Variants in STARD13 observed in about 807,000 individuals in gnomAD.
STARD13 encodes stAR-related lipid transfer protein 13.
STARD13 carries 62 observed loss-of-function variants against 106.4 expected under a neutral mutation model. The observed-to-expected ratio is 0.58, with a 90% CI of 0.48 to 0.72. The LOEUF (loss-of-function observed/expected upper bound fraction) is 0.72, where lower values mean the gene tolerates loss of function less well. Ranked by LOEUF, STARD13 falls within the 30% of genes least tolerant of loss-of-function variation. The pLI, the probability that STARD13 is intolerant of heterozygous loss-of-function variation, is 0.00. For synonymous variants in STARD13, 565 were observed against 553.0 expected (o/e 1.02, Z -0.31); for missense variants, 1,387 against 1,424.0 (o/e 0.97, Z 0.42).
the STARD13 span, among the ~76,000 whole-genome samples, chr13:33,447,858 GATATAT>G: frequency 6.6e-6 from 1 of 151,820 alleles, no homozygotes; most frequent in African/African-American, 2.4e-5. Context: ...AGAGAAATAA[GATATAT>G]ATATAAACAC....
intron 4 of STARD13, among the ~76,000 whole-genome samples, chr13:33,141,993 G>C (rs145582682): frequency 1.7e-3 from 266 of 152,300 alleles, no homozygotes; most frequent in African/African-American, 6.1e-3. Context: ...AATACACATG[G>C]ATGGTCAGGC....
At chr13:33,578,135 C>CAAATT in the STARD13 span, among the ~76,000 whole-genome samples, 2 of 152,010 alleles carry the variant, frequency 1.3e-5, no homozygotes, top group Non-Finnish European at 2.9e-5. Flanking sequence ...TCATTTTTCA[C>CAAATT]AGAATTAGAA....
the STARD13 span, among the ~76,000 whole-genome samples, chr13:33,470,440 G>C: frequency 6.6e-6 from 1 of 152,188 alleles, no homozygotes; most frequent in African/African-American, 2.4e-5. Context: ...TATATACCCA[G>C]TAATGGGCTT....
chr13:33,185,984 G>A (rs1369061785), intron 1 of STARD13: 1 of 1,614,116 alleles, frequency 6.2e-7, no homozygotes, highest in African/African-American at 1.3e-5. Context: ...AAGGGGCCTG[G>A]TTAACGTTTG....
chr13:33,572,172 A>G, the STARD13 span, among the ~76,000 whole-genome samples: 1 of 152,136 alleles, frequency 6.6e-6, no homozygotes, highest in Admixed American at 6.6e-5. Flanking sequence ...AGAATTTCTT[A>G]CTTATAATGC....
At chr13:33,189,427 C>CT (rs1886052566) in intron 1 of STARD13, among the ~76,000 whole-genome samples, 2 of 21,936 alleles carry the variant, frequency 9.1e-5, no homozygotes, top group African/African-American at 1.2e-4. Flanking sequence ...TCCCTCCTTC[C>CT]TCCTTTCGGA....
chr13:33,151,289 C>T (rs1422102580), intron 3 of STARD13, among the ~76,000 whole-genome samples: 1 of 152,164 alleles, frequency 6.6e-6, no homozygotes, highest in Non-Finnish European at 1.5e-5. Context: ...GCTCTGCAGG[C>T]TGTACAAGGA....
the STARD13 span, among the ~76,000 whole-genome samples, chr13:33,454,990 C>T: frequency 6.6e-6 from 1 of 152,166 alleles, no homozygotes; most frequent in Admixed American, 6.6e-5. Flanking sequence ...GACATATTCC[C>T]AACTGTCCAG....
At chr13:33,196,254 A>G (rs1033159207) in intron 1 of STARD13, among the ~76,000 whole-genome samples, 34 of 152,008 alleles carry the variant, frequency 2.2e-4, no homozygotes, top group African/African-American at 8.0e-4. Context: ...GCGTGGTGAC[A>G]CGACGCATGC....
chr13:33,324,819 C>T (rs776169615), intron 1 of STARD13, among the ~76,000 whole-genome samples: 7 of 152,112 alleles, frequency 4.6e-5, no homozygotes, highest in Admixed American at 1.3e-4. Flanking sequence ...CATGGAAGGC[C>T]GCAACAAATG....
chr13:33,418,052 A>G, the STARD13 span, among the ~76,000 whole-genome samples: 1 of 151,430 alleles, frequency 6.6e-6, no homozygotes, highest in East Asian at 2.0e-4. Context: ...CTGCATTTCC[A>G]ACTGAGGTAT....
At chr13:33,499,760 TC>T in the STARD13 span, among the ~76,000 whole-genome samples, 3 of 130,894 alleles carry the variant, frequency 2.3e-5, no homozygotes, top group Admixed American at 8.3e-5. Context: ...TCTTCTTCTT[TC>T]TTTTTTTTTT....
At chr13:33,429,467 T>C in the STARD13 span, among the ~76,000 whole-genome samples, 4 of 150,692 alleles carry the variant, frequency 2.7e-5, no homozygotes, top group Non-Finnish European at 5.9e-5. Context: ...GTGGCGGCAG[T>C]GAGCCGAGAT....
chr13:33,430,349 T>G, the STARD13 span, among the ~76,000 whole-genome samples: 1 of 152,268 alleles, frequency 6.6e-6, no homozygotes, highest in Middle Eastern at 3.4e-3. Context: ...ACCTCATGTA[T>G]CTCATAAACA....
chr13:33,253,667 G>A (rs1365242781), intron 1 of STARD13, among the ~76,000 whole-genome samples: 1 of 152,158 alleles, frequency 6.6e-6, no homozygotes, highest in African/African-American at 2.4e-5. Context: ...CTGTACAGCT[G>A]TGTCTGCTTC....
rs138776261 is a variant in STARD13, at chr13:33,205,213, T to C, written c.170-37591A>G. On this transcript the variant is annotated intron_variant, in intron 1 of 13. Transcript: ENST00000336934. ...GTATTAAACATAAATAGCAGGATTGTTTCATATGGTAGCTTATGTTCTGAA... is the reference window on the plus strand; with the variant it reads ...GTATTAAACATAAATAGCAGGATTGCTTCATATGGTAGCTTATGTTCTGAA... Among the ~76,000 whole-genome samples the C allele has an allele frequency of 9.9e-4, 151 of 152,344 alleles. 4 individuals carry two copies. The East Asian group carries it at 0.023, about 24-fold the overall frequency.
chr13:33,437,116 A>G, the STARD13 span, among the ~76,000 whole-genome samples: 82 of 152,340 alleles, frequency 5.4e-4, no homozygotes, highest in African/African-American at 1.9e-3. Context: ...CAGACAGCCC[A>G]GTGCCACACC....
intron 1 of STARD13, among the ~76,000 whole-genome samples, chr13:33,246,668 A>G (rs1889837042): frequency 2.6e-5 from 4 of 152,222 alleles, no homozygotes; most frequent in Admixed American, 2.0e-4. Context: ...TCAGGTTATT[A>G]GACAAATAAA....
chr13:33,349,449 G>A (rs1300341952), intron 1 of STARD13, among the ~76,000 whole-genome samples: 1 of 152,220 alleles, frequency 6.6e-6, no homozygotes, highest in Non-Finnish European at 1.5e-5. Context: ...CCCAGTGAAG[G>A]CTCTGAGATG....
Sources: gnomAD v4.1 joint callset for allele counts (sites outside exome capture counted in the v4.1 genomes callset) on GRCh38, gnomAD v4.1.1 for gene constraint, MANE v1.5 for transcripts, NCBI Gene and HGNC (gene_info 2026-07-23, HGNC 2026-07-21) for gene names.